The following DGKB variants were observed in gnomAD, a reference collection of about 807,000 sequenced individuals.
The protein encoded by DGKB is 90 kDa diacylglycerol kinase.
DGKB carries 67 observed loss-of-function variants against 114.3 expected under a neutral mutation model. The observed-to-expected ratio is 0.59, with a 90% CI of 0.48 to 0.72. The LOEUF is 0.72. Ranked by LOEUF, DGKB falls within the 30% of genes least tolerant of loss-of-function variation. DGKB has a pLI of 0.00. For missense variants in DGKB, 907 were observed against 975.2 expected (o/e 0.93, Z 0.93); for synonymous variants, 398 against 323.1 (o/e 1.23, Z -2.49).
At chr7:14,585,506 G>A (rs1308192625) in intron 17 of DGKB, among the ~76,000 whole-genome samples, 1 of 152,144 alleles carries the variant, frequency 6.6e-6, no homozygotes, top group African/African-American at 2.4e-5. Flanking sequence ...TGTAGCTGAA[G>A]TTCTTTCTAC....
At chr7:14,909,077 T>C (rs1034355930) in intron 1 of DGKB, among the ~76,000 whole-genome samples, 3 of 152,224 alleles carry the variant, frequency 2.0e-5, no homozygotes, top group Non-Finnish European at 4.4e-5. Flanking sequence ...AGGCTCATTC[T>C]AAGCCTCAAT....
chr7:14,181,493 C>A (rs546170662), intron 23 of DGKB, among the ~76,000 whole-genome samples: 1 of 152,158 alleles, frequency 6.6e-6, no homozygotes, highest in Non-Finnish European at 1.5e-5. Flanking sequence ...TTATTTATCA[C>A]GGAACACCAA....
chr7:14,289,683 C>T (rs1801429757), intron 23 of DGKB, among the ~76,000 whole-genome samples: 1 of 150,136 alleles, frequency 6.7e-6, no homozygotes, highest in Non-Finnish European at 1.5e-5. Context: ...TTAAAAGTCC[C>T]TTTCTTTACT....
At chr7:14,508,942 G>C (rs1423274217) in intron 20 of DGKB, among the ~76,000 whole-genome samples, 8 of 152,082 alleles carry the variant, frequency 5.3e-5, no homozygotes, top group Admixed American at 5.2e-4. Context: ...AGTATTTTAT[G>C]AACAATGTCA....
Position 14,834,837 on chromosome 7 carries a change from A to C in DGKB, c.70+6357T>G, listed in dbSNP as rs115266741. Among the ~76,000 whole-genome samples, 1,436 of 152,282 alleles carry C rather than the reference A, an allele frequency of 9.4e-3. 20 individuals carry two copies. Among genetic ancestry groups the C allele is most frequent in the African/African-American group, 0.033 (1,378 of 41,552 alleles). On this transcript the variant is annotated intron_variant, in intron 2 of 25. Coordinates refer to ENST00000402815, the MANE Select transcript of DGKB (RefSeq NM_001350709.2). The stretch of plus-strand genomic sequence containing the variant: ...CAAATGGATTTTTTGGGGGGAGGTC[A>C]AGTCTGAAAAGAGCTTACCCAAAGT...
intron 20 of DGKB, among the ~76,000 whole-genome samples, chr7:14,501,726 G>C (rs1255902487): frequency 6.6e-6 from 1 of 151,932 alleles, no homozygotes; most frequent in Non-Finnish European, 1.5e-5. Context: ...TCGAATGGGA[G>C]TGTCTATTGC....
chr7:14,943,637 A>AACACACACACAC (rs563726736), intron 1 of DGKB, among the ~76,000 whole-genome samples: 2 of 151,468 alleles, frequency 1.3e-5, no homozygotes, highest in Admixed American at 6.6e-5. Flanking sequence ...TTTGAAGTGA[A>AACACACACACAC]ACACACACAC....
intron 4 of DGKB, among the ~76,000 whole-genome samples, chr7:14,744,548 T>G (rs1460459131): frequency 6.6e-6 from 1 of 152,186 alleles, no homozygotes; most frequent in African/African-American, 2.4e-5. Context: ...TCATAGGTAT[T>G]TGAGGGTGCT....
chr7:14,335,582 T>G (rs973884964), intron 23 of DGKB, among the ~76,000 whole-genome samples: 4 of 152,192 alleles, frequency 2.6e-5, no homozygotes, highest in Non-Finnish European at 4.4e-5. Flanking sequence ...TTTCTAACAG[T>G]GAAAGTTATT....
chr7:14,819,436 A>G (rs566977206), intron 2 of DGKB, among the ~76,000 whole-genome samples: 2 of 152,176 alleles, frequency 1.3e-5, no homozygotes, highest in Admixed American at 1.3e-4. Context: ...AAATACAAAA[A>G]AACATTGGCC....
intron 13 of DGKB, among the ~76,000 whole-genome samples, chr7:14,632,336 T>C (rs1809881071): frequency 6.6e-6 from 1 of 151,752 alleles, no homozygotes; most frequent in South Asian, 2.1e-4. Context: ...TGCTGAAATA[T>C]TTAGTGATGT....
rs559270798 is a variant in DGKB at position 14,495,793 on chromosome 7, T to G, written c.1771-17568A>C. On this transcript the variant is annotated intron_variant, in intron 20 of 25. Coordinates refer to ENST00000402815, the MANE Select transcript of DGKB (RefSeq NM_001350709.2). The stretch of plus-strand genomic sequence containing the variant: ...TCTAGGAAGCCTAGCTAGACAAAGA[T>G]TCCCAAGACAAAACGAAAACAATAA... Among the ~76,000 whole-genome samples the G allele has an allele frequency of 1.5e-4, 23 of 151,848 alleles. No individual in the cohort carries two copies. The South Asian group carries it at 4.6e-3, about 30-fold the overall frequency.
intron 13 of DGKB, among the ~76,000 whole-genome samples, chr7:14,666,962 G>C (rs922496078): frequency 2.0e-5 from 3 of 151,810 alleles, no homozygotes; most frequent in Admixed American, 6.6e-5. Context: ...ATTTTTATTT[G>C]AATGAAAACA....
At chr7:14,385,371 C>G (rs1820153288) in intron 21 of DGKB, among the ~76,000 whole-genome samples, 1 of 152,106 alleles carries the variant, frequency 6.6e-6, no homozygotes, top group African/African-American at 2.4e-5. Context: ...AAATGTAAAA[C>G]CTGATGAGGC....
At chr7:14,568,854 C>G (rs1268984181) in intron 20 of DGKB, among the ~76,000 whole-genome samples, 1 of 152,160 alleles carries the variant, frequency 6.6e-6, no homozygotes, top group Admixed American at 6.5e-5. Flanking sequence ...ATAATGAAAA[C>G]AATACTGAGA....
intron 23 of DGKB, among the ~76,000 whole-genome samples, chr7:14,267,479 CTT>C (rs59950485): frequency 1.3e-4 from 19 of 143,654 alleles, no homozygotes; most frequent in African/African-American, 3.0e-4. Context: ...TTTTTTTTTT[CTT>C]TTTTTTTTTA....
At chr7:14,154,876 T>C (rs901578243) in intron 25 of DGKB, among the ~76,000 whole-genome samples, 8 of 150,738 alleles carry the variant, frequency 5.3e-5, no homozygotes, top group African/African-American at 1.9e-4. Context: ...CACGTGCATA[T>C]ACTATTTTGG....
chr7:14,743,919 G>C (rs1372086969), intron 4 of DGKB, among the ~76,000 whole-genome samples: 1 of 152,120 alleles, frequency 6.6e-6, no homozygotes, highest in African/African-American at 2.4e-5. Context: ...GATAACTTTG[G>C]AGACTCTAAC....
chr7:14,546,645 G>A (rs1794336312), intron 20 of DGKB, among the ~76,000 whole-genome samples: 3 of 152,138 alleles, frequency 2.0e-5, no homozygotes, highest in Admixed American at 2.0e-4. Context: ...TAGGTCGGGA[G>A]CATCTGAGGC....
Sources: allele counts gnomAD v4.1 joint callset (sites outside exome capture counted in the v4.1 genomes callset), GRCh38; gene constraint gnomAD v4.1.1; transcripts MANE v1.5; gene names NCBI Gene and HGNC (gene_info 2026-07-23, HGNC 2026-07-21).